RALA: variants seen among roughly 807,000 people sequenced by gnomAD.
RALA encodes the protein ras-related protein Ral-A.
In RALA, 5 loss-of-function variants were observed where a neutral mutation model predicts 24.0. That is an observed-to-expected ratio of 0.21 (90% CI 0.11 to 0.44). The LOEUF is 0.44. RALA is among the 20% of genes least tolerant of loss of function. RALA has a pLI of 0.99. For synonymous variants in RALA, 77 were observed against 83.8 expected (o/e 0.92, Z 0.44); for missense variants, 95 against 241.2 (o/e 0.39, Z 4.01).
intron 1 of RALA, among the ~76,000 whole-genome samples, chr7:39,656,079 G>A (rs182776309): frequency 4.6e-5 from 7 of 152,312 alleles, no homozygotes; most frequent in Admixed American, 3.3e-4. Context: ...GTGTTTTAGT[G>A]AGTATATAGT....
At chr7:39,672,572 G>A (rs754498687) in intron 1 of RALA, among the ~76,000 whole-genome samples, 1 of 150,258 alleles carries the variant, frequency 6.7e-6, no homozygotes, top group African/African-American at 2.5e-5. Context: ...GTTTATGACA[G>A]CTTTACTTAT....
At chr7:39,660,922 A>G (rs1583724876) in intron 1 of RALA, among the ~76,000 whole-genome samples, 1 of 152,220 alleles carries the variant, frequency 6.6e-6, no homozygotes, top group East Asian at 1.9e-4. Flanking sequence ...TGCTGCTGAC[A>G]TGAAAGACAT....
At chr7:39,644,420 T>G (rs1791891309) in intron 1 of RALA, among the ~76,000 whole-genome samples, 1 of 152,164 alleles carries the variant, frequency 6.6e-6, no homozygotes, top group South Asian at 2.1e-4. Context: ...CTGGTCCACT[T>G]TCCCTGCTAT....
At chr7:39,653,709 T>G (rs1792054919) in intron 1 of RALA, among the ~76,000 whole-genome samples, 1 of 152,206 alleles carries the variant, frequency 6.6e-6, no homozygotes, top group South Asian at 2.1e-4. Flanking sequence ...TTTTTGAACA[T>G]TAGTCTTGTA....
At chr7:39,705,207 G>T (rs549366844) in intron 4 of RALA, among the ~76,000 whole-genome samples, 1 of 152,250 alleles carries the variant, frequency 6.6e-6, no homozygotes, top group Non-Finnish European at 1.5e-5. Context: ...GCTATTCTGT[G>T]CCTTGCTTTT....
intron 1 of RALA, among the ~76,000 whole-genome samples, chr7:39,632,568 A>T (rs760159214): frequency 6.6e-6 from 1 of 152,240 alleles, no homozygotes; most frequent in Non-Finnish European, 1.5e-5. Context: ...CTGTAATCCC[A>T]GTACTTTGGG....
At chr7:39,636,030 T>C (rs1791679801) in intron 1 of RALA, among the ~76,000 whole-genome samples, 1 of 152,256 alleles carries the variant, frequency 6.6e-6, no homozygotes, top group Non-Finnish European at 1.5e-5. Context: ...TGTTGTAGCA[T>C]GCGGCAATAC....
chr7:39,639,080 T>G (rs1791735261), intron 1 of RALA, among the ~76,000 whole-genome samples: 1 of 152,194 alleles, frequency 6.6e-6, no homozygotes, highest in South Asian at 2.1e-4. Context: ...TCTTGGAAAA[T>G]GTGACTTTAA....
rs1172812733 is a variant in RALA at position 39,706,971 on chromosome 7, C to T, written c.*726C>T. 6.6e-6 allele frequency: 1 copy of T among 152,552 alleles called. No homozygotes were observed. The highest frequency in any genetic ancestry group is 1.5e-5 in the Non-Finnish European group (1 of 68,032). 9.4% of individuals were successfully genotyped at this position (152,552 alleles called of 1,614,324 possible). On this transcript the variant is annotated 3_prime_UTR_variant, in exon 5 of 5. Transcript: ENST00000005257. ...TGGCACAGCTTTTGTATAGAAAATT[C>T]TTGAGAAGTAACTGTCCGCTAGAAG...
At chr7:39,692,509 T>C (rs924612929) in intron 3 of RALA, among the ~76,000 whole-genome samples, 2 of 152,194 alleles carry the variant, frequency 1.3e-5, no homozygotes, top group African/African-American at 2.4e-5. Flanking sequence ...TAAAACTGTA[T>C]TTAAAGGGAG....
intron 1 of RALA, among the ~76,000 whole-genome samples, chr7:39,676,485 A>G (rs901704428): frequency 1.3e-5 from 2 of 152,208 alleles, no homozygotes; most frequent in African/African-American, 2.4e-5. Flanking sequence ...TATTTGCATT[A>G]TACTTACCGG....
chr7:39,706,041 C>G (rs1400967974), intron 4 of RALA, 82 bp from the exon 5 acceptor site: 1 of 1,286,502 alleles, frequency 7.8e-7, no homozygotes, highest in Non-Finnish European at 1.1e-6. Context: ...TCTGTTACCC[C>G]CAAAGTTTAC....
intron 1 of RALA, among the ~76,000 whole-genome samples, chr7:39,657,494 G>C (rs534228697): frequency 6.6e-6 from 1 of 152,290 alleles, no homozygotes; most frequent in South Asian, 2.1e-4. Flanking sequence ...AAATAGACTA[G>C]TATACTGAAG....
intron 1 of RALA, among the ~76,000 whole-genome samples, chr7:39,672,785 AAATCCTATC>A (rs1203535872): frequency 2.6e-5 from 4 of 152,210 alleles, no homozygotes; most frequent in Non-Finnish European, 5.9e-5. Flanking sequence ...GTAAGGCCTG[AAATCCTATC>A]AGTGGCTGCC....
chr7:39,704,456 T>TA (rs1412171642), intron 4 of RALA, among the ~76,000 whole-genome samples: 4 of 151,530 alleles, frequency 2.6e-5, no homozygotes, highest in African/African-American at 4.8e-5. Flanking sequence ...TAGCTGGGAT[T>TA]ACAGGCATAC....
At chr7:39,689,044 T>G (rs1792763401) in intron 2 of RALA, among the ~76,000 whole-genome samples, 1 of 152,086 alleles carries the variant, frequency 6.6e-6, no homozygotes, top group Non-Finnish European at 1.5e-5. Context: ...TCGTGAGAAC[T>G]CACAATCTTG....
At chr7:39,685,010 T>C (rs1486373945) in intron 1 of RALA, among the ~76,000 whole-genome samples, 4 of 152,190 alleles carry the variant, frequency 2.6e-5, no homozygotes, top group Non-Finnish European at 5.9e-5. Flanking sequence ...GGAATACTTA[T>C]ACTATTAAGT....
intron 1 of RALA, among the ~76,000 whole-genome samples, chr7:39,625,083 G>T (rs1273565865): frequency 6.6e-6 from 1 of 152,200 alleles, no homozygotes; most frequent in African/African-American, 2.4e-5. Context: ...TATGCAGTAT[G>T]CCTTGAACAT....
intron 1 of RALA, among the ~76,000 whole-genome samples, chr7:39,631,170 G>A (rs1371213951): frequency 1.3e-5 from 2 of 151,914 alleles, no homozygotes; most frequent in Non-Finnish European, 2.9e-5. Context: ...ACCATGCCCA[G>A]CTTATTTTTT....
Sources: allele counts gnomAD v4.1 joint callset (sites outside exome capture counted in the v4.1 genomes callset), GRCh38; gene constraint gnomAD v4.1.1; transcripts MANE v1.5; gene names NCBI Gene and HGNC (gene_info 2026-07-23, HGNC 2026-07-21).